Variants in GABRB3 observed in about 807,000 individuals in gnomAD.
The protein encoded by GABRB3 is gamma-aminobutyric acid type A receptor subunit beta3.
In GABRB3, 14 loss-of-function variants were observed where a neutral mutation model predicts 52.1. That is an observed-to-expected ratio of 0.27 (90% CI 0.18 to 0.42). The LOEUF (loss-of-function observed/expected upper bound fraction) is 0.42. Among genes scored for constraint, GABRB3 ranks in the 10% least tolerant of loss-of-function variants. The probability of loss-of-function intolerance (pLI) is 1.00; values close to 1 mark genes in which losing one functional copy is unlikely to be tolerated. For synonymous variants in GABRB3, 260 were observed against 232.3 expected (o/e 1.12, Z -1.08); for missense variants, 307 against 609.1 (o/e 0.50, Z 5.22).
rs1892464541 is a variant in GABRB3, at chr15:26,621,068, C to T, written c.461+246G>A. On this transcript the variant is annotated intron_variant, in intron 4 of 8. Coordinates refer to ENST00000311550, the MANE Select transcript of GABRB3 (RefSeq NM_000814.6). The surrounding 1 kb of genome is among the most constrained non-coding windows in gnomAD (Gnocchi z 4.1). ...AGGGAATCTGTGTTCTTAGACATGG[C>T]AATCCAATTATATACAATTGATCCA... is the stretch of plus-strand genomic sequence containing the variant. 7.7e-6 allele frequency among the ~76,000 whole-genome samples: 1 copy of T among 129,638 alleles called. No individual in the cohort carries two copies. The highest frequency in any genetic ancestry group is 1.8e-5 in the Non-Finnish European group (1 of 54,982). The allele number at this position is 129,638 out of a possible 152,430, so 85.0% of individuals were successfully genotyped here.
intron 3 of GABRB3, among the ~76,000 whole-genome samples, chr15:26,740,610 G>A (rs77924394): frequency 0.019 from 2,960 of 152,148 alleles, 100 homozygotes; most frequent in African/African-American, 0.068. Context: ...CCTCTGTCCC[G>A]TGGGCACCCC....
chr15:26,649,268 G>C (rs1486255649), intron 3 of GABRB3, among the ~76,000 whole-genome samples: 1 of 152,068 alleles, frequency 6.6e-6, no homozygotes, highest in Non-Finnish European at 1.5e-5. Context: ...CTTGTAAAAG[G>C]GCTAGAGGGA....
intron 3 of GABRB3, among the ~76,000 whole-genome samples, chr15:26,731,806 T>C (rs1051127704): frequency 6.6e-6 from 1 of 152,234 alleles, no homozygotes; most frequent in African/African-American, 2.4e-5. Flanking sequence ...CATTTAGCGG[T>C]GTTTTTAAAA....
chr15:26,682,779 T>C (rs550376923), intron 3 of GABRB3, among the ~76,000 whole-genome samples: 1 of 152,286 alleles, frequency 6.6e-6, no homozygotes, highest in African/African-American at 2.4e-5. Flanking sequence ...TGAAAAGACA[T>C]CCCTTGTCCT....
intron 3 of GABRB3, among the ~76,000 whole-genome samples, chr15:26,738,152 G>A (rs369706912): frequency 1.8e-4 from 27 of 152,102 alleles, no homozygotes; most frequent in South Asian, 1.0e-3. Context: ...GTGTGACCTC[G>A]GCTCACTGCA....
At chr15:26,597,891 G>A (rs1246027872) in intron 4 of GABRB3, among the ~76,000 whole-genome samples, 1 of 152,162 alleles carries the variant, frequency 6.6e-6, no homozygotes, top group African/African-American at 2.4e-5. Flanking sequence ...TATCATACTG[G>A]GTAGGGGTAG....
At chr15:26,641,233 C>T (rs979260540) in intron 3 of GABRB3, among the ~76,000 whole-genome samples, 1 of 152,220 alleles carries the variant, frequency 6.6e-6, no homozygotes, top group East Asian at 1.9e-4. Context: ...ATTATCAGAT[C>T]GCCTTCTGAC....
intron 4 of GABRB3, among the ~76,000 whole-genome samples, chr15:26,584,754 G>A (rs1015697937): frequency 2.0e-5 from 3 of 152,110 alleles, no homozygotes; most frequent in Non-Finnish European, 2.9e-5. Context: ...CTTTGAAAAC[G>A]CAACTATTAG....
intron 7 of GABRB3, among the ~76,000 whole-genome samples, chr15:26,565,547 C>T (rs1207570965): frequency 2.0e-5 from 3 of 152,304 alleles, no homozygotes; most frequent in South Asian, 4.1e-4. Flanking sequence ...GCCACAGAGG[C>T]ACAGTTTGTT....
At chr15:26,587,436 G>C (rs1336661224) in intron 4 of GABRB3, among the ~76,000 whole-genome samples, 1 of 152,214 alleles carries the variant, frequency 6.6e-6, no homozygotes, top group Non-Finnish European at 1.5e-5. Flanking sequence ...AAAAGAGAGA[G>C]AGTAGGGGTG....
intron 4 of GABRB3, among the ~76,000 whole-genome samples, chr15:26,591,285 C>T (rs2140758045): frequency 6.6e-6 from 1 of 152,330 alleles, no homozygotes; most frequent in East Asian, 1.9e-4. Context: ...TGCAAACATA[C>T]AGAAGCATAA....
chr15:26,629,160 G>C lies in GABRB3; in HGVS notation c.241-7626C>G, dbSNP rs138170465. 8.9e-3 allele frequency: 13,377 copies of C among 1,500,966 alleles called. 98 individuals carry two copies. Among genetic ancestry groups the C allele is most frequent in the Non-Finnish European group, 0.011 (12,233 of 1,124,070 alleles). The allele number at this position is 1,500,966 out of a possible 1,614,324, so 93.0% of individuals were successfully genotyped here. A position where few individuals can be genotyped will look rare whatever the true frequency, so the allele number is the denominator to read the frequency against. ...TCGGGGAGGCGCAGGGGCGGAGTGTGGGGAGAAGCAGCTCCCGGGAGACGG... is the reference window on the plus strand; with the variant it reads ...TCGGGGAGGCGCAGGGGCGGAGTGTCGGGAGAAGCAGCTCCCGGGAGACGG... On this transcript the variant is annotated intron_variant, in intron 3 of 8. Coordinates refer to ENST00000311550, the MANE Select transcript of GABRB3 (RefSeq NM_000814.6).
At chr15:26,590,347 G>C (rs578139092) in intron 4 of GABRB3, 2 of 152,120 alleles carry the variant, frequency 1.3e-5, no homozygotes, top group South Asian at 2.1e-4. Flanking sequence ...AAATCTGGGC[G>C]AGAGTTGTAT....
rs1467526623 is a variant in GABRB3, at chr15:26,545,838, G to A, written c.*1955C>T. ...AAAACCAGAGAGCAGCGATTAGGAG[G>A]AAAAAGATAGGAATGAAAGAGGGAA... On this transcript the variant is annotated 3_prime_UTR_variant, in exon 9 of 9. Coordinates refer to ENST00000311550, the MANE Select transcript of GABRB3 (RefSeq NM_000814.6). 6.6e-6 allele frequency: 1 copy of A among 152,604 alleles called. No homozygotes were observed. The highest frequency in any genetic ancestry group is 6.5e-5 in the Admixed American group (1 of 15,282). 9.5% of individuals were successfully genotyped at this position (152,604 alleles called of 1,614,324 possible).
chr15:26,575,108 C>T (rs8042482), intron 6 of GABRB3, among the ~76,000 whole-genome samples: 68,803 of 151,966 alleles, frequency 0.45, 15,956 homozygotes, highest in African/African-American at 0.53. Context: ...CAGTTTTAAA[C>T]TTTTGCTGGA....
intron 3 of GABRB3, among the ~76,000 whole-genome samples, chr15:26,754,701 C>T (rs1175606327): frequency 1.3e-5 from 2 of 152,130 alleles, no homozygotes; most frequent in Non-Finnish European, 2.9e-5. Flanking sequence ...ACAACACCTC[C>T]AATGAATCGG....
chr15:26,587,838 G>A (rs997039623), intron 4 of GABRB3, among the ~76,000 whole-genome samples: 1 of 151,974 alleles, frequency 6.6e-6, no homozygotes, highest in Non-Finnish European at 1.5e-5. Flanking sequence ...TATATTTTTC[G>A]TTCTGACAGA....
At chr15:26,664,185 G>C (rs1054699193) in intron 3 of GABRB3, among the ~76,000 whole-genome samples, 4 of 152,124 alleles carry the variant, frequency 2.6e-5, no homozygotes, top group Non-Finnish European at 4.4e-5. Flanking sequence ...TGGGACTACA[G>C]GCATGTGCCA....
intron 3 of GABRB3, among the ~76,000 whole-genome samples, chr15:26,645,348 G>T (rs1401115592): frequency 2.0e-5 from 3 of 152,194 alleles, no homozygotes. Flanking sequence ...TCCAAAGATA[G>T]TGACTTGTTA....
Sources: gnomAD v4.1 joint callset for allele counts (sites outside exome capture counted in the v4.1 genomes callset) on GRCh38, gnomAD v4.1.1 for gene constraint, Gnocchi (gnomAD v3.1) non-coding constraint, MANE v1.5 for transcripts, NCBI Gene and HGNC (gene_info 2026-07-23, HGNC 2026-07-21) for gene names.